The following PCDH9 variants were observed in gnomAD, a reference collection of about 807,000 sequenced individuals.
PCDH9 encodes protocadherin 9, also known as protocadherin-9.
A neutral mutation model predicts 70.6 loss-of-function variants in PCDH9; 24 were observed. That is an observed-to-expected ratio of 0.34 (90% CI 0.25 to 0.48). PCDH9 has a LOEUF of 0.48. Among genes scored for constraint, PCDH9 ranks in the 20% least tolerant of loss-of-function variants. The probability of loss-of-function intolerance (pLI) is 0.99; values close to 1 mark genes in which losing one functional copy is unlikely to be tolerated. For missense variants in PCDH9, 1,281 were observed against 1,503.6 expected, an observed-to-expected ratio of 0.85 and a Z score of 2.45; for synonymous variants, 562 against 558.5, an observed-to-expected ratio of 1.01 and a Z score of -0.09.
intron 3 of PCDH9, among the ~76,000 whole-genome samples, chr13:66,729,499 C>G (rs1033073760): frequency 6.6e-6 from 1 of 151,956 alleles, no homozygotes; most frequent in African/African-American, 2.4e-5. Context: ...ATCTTTATAC[C>G]TTCCTCTTAG....
At chr13:67,158,130 T>G (rs1001380886) in intron 2 of PCDH9, among the ~76,000 whole-genome samples, 4 of 152,194 alleles carry the variant, frequency 2.6e-5, no homozygotes, top group Non-Finnish European at 5.9e-5. Flanking sequence ...ACATAATTAG[T>G]ATCACTAGAC....
At chr13:67,228,818 C>T (rs1298972097) in intron 1 of PCDH9, among the ~76,000 whole-genome samples, 1 of 152,174 alleles carries the variant, frequency 6.6e-6, no homozygotes, top group Non-Finnish European at 1.5e-5. Context: ...TATTCACGCA[C>T]GTTGTTTTTC....
intron 2 of PCDH9, among the ~76,000 whole-genome samples, chr13:67,139,010 A>G (rs2087305300): frequency 6.6e-6 from 1 of 152,226 alleles, no homozygotes; most frequent in Non-Finnish European, 1.5e-5. Context: ...GATCCAGAGC[A>G]GTAAGATAAT....
At chr13:66,686,872 CAT>C (rs896010226) in intron 3 of PCDH9, among the ~76,000 whole-genome samples, 1 of 152,084 alleles carries the variant, frequency 6.6e-6, no homozygotes, top group African/African-American at 2.4e-5. Flanking sequence ...CTCAAAAATA[CAT>C]ATTGTTAAAA....
intron 4 of PCDH9, among the ~76,000 whole-genome samples, chr13:66,383,504 C>A (rs1956880652): frequency 6.6e-6 from 1 of 152,152 alleles, no homozygotes; most frequent in Admixed American, 6.5e-5. Flanking sequence ...TGAATGCTAC[C>A]TAGTTACTCC....
At chr13:66,738,482 G>C (rs2079195191) in intron 3 of PCDH9, among the ~76,000 whole-genome samples, 1 of 146,816 alleles carries the variant, frequency 6.8e-6, no homozygotes, top group African/African-American at 2.5e-5. Context: ...ACGGAACAAA[G>C]CTGGATGGAG....
chr13:67,017,737 TA>T (rs1250669370), intron 2 of PCDH9, among the ~76,000 whole-genome samples: 1 of 152,118 alleles, frequency 6.6e-6, no homozygotes, highest in Non-Finnish European at 1.5e-5. Flanking sequence ...TCCAGGAATT[TA>T]AAAAAATCAT....
Position 66,806,092 on chromosome 13 carries a change from A to G in PCDH9, c.3138+97412T>C, listed in dbSNP as rs141636117. ...ATCACATTTTAGAAACCTTATGTAT[A>G]TATGTGTTTGTGTGAATAGATCTAC... On this transcript the variant is annotated intron_variant, in intron 3 of 4. Coordinates refer to ENST00000377865, the MANE Select transcript of PCDH9 (RefSeq NM_203487.3). Among the ~76,000 whole-genome samples, 256 of 152,258 alleles carry G rather than the reference A, an allele frequency of 1.7e-3. 1 individual carries two copies. The highest frequency in any genetic ancestry group is 5.9e-3 in the African/African-American group (244 of 41,546).
chr13:67,192,511 A>T (rs1439137167), intron 2 of PCDH9, among the ~76,000 whole-genome samples: 4 of 152,186 alleles, frequency 2.6e-5, no homozygotes, highest in African/African-American at 9.6e-5. Context: ...GAGTGCTTTT[A>T]TAAAATCCTT....
chr13:66,744,999 T>C (rs977313808), intron 3 of PCDH9, among the ~76,000 whole-genome samples: 24 of 152,166 alleles, frequency 1.6e-4, no homozygotes. Flanking sequence ...CAGGATCATA[T>C]TGCCTGGATT....
chr13:67,228,552 T>G lies in PCDH9; in HGVS notation c.-112A>C. The G allele has an allele frequency of 1.3e-6, 1 of 793,584 alleles. No individual in the cohort carries two copies. The highest frequency in any genetic ancestry group is 2.8e-5 in the East Asian group (1 of 35,334). The allele number at this position is 793,584 out of a possible 1,614,324, so 49.2% of individuals were successfully genotyped here. ...CATGGACTGGAGGATGCATTATATC[T>G]CATCACTTATTTGGAGACAGCCGCT... On this transcript the variant is annotated 5_prime_UTR_variant, in exon 2 of 5. Transcript: ENST00000377865.
rs1044493601 is a variant in PCDH9, at chr13:66,990,503, A to G, written c.3037-86898T>C. Among the ~76,000 whole-genome samples the G allele has an allele frequency of 3.3e-5, 5 of 150,764 alleles. No homozygotes were observed. The East Asian group carries it at 7.7e-4, about 23-fold the overall frequency. ...TATTCTTTTTTATATGTAAAAGAAT[A>G]TATCATTAGTATATCATATTCTTGT... On this transcript the variant is annotated intron_variant, in intron 2 of 4. Coordinates refer to ENST00000377865, the MANE Select transcript of PCDH9 (RefSeq NM_203487.3).
At chr13:66,352,089 G>A (rs1253302112) in intron 4 of PCDH9, among the ~76,000 whole-genome samples, 1 of 152,120 alleles carries the variant, frequency 6.6e-6, no homozygotes, top group Non-Finnish European at 1.5e-5. Context: ...ACCCGCCTCA[G>A]CCTCCCAAAA....
At chr13:66,632,094 C>A (rs1304491687) in intron 3 of PCDH9, among the ~76,000 whole-genome samples, 2 of 152,192 alleles carry the variant, frequency 1.3e-5, no homozygotes, top group Admixed American at 6.5e-5. Context: ...GGGGTTTCAC[C>A]ATGTTGGCCA....
chr13:67,197,257 T>A (rs2089089775), intron 2 of PCDH9, among the ~76,000 whole-genome samples: 1 of 151,996 alleles, frequency 6.6e-6, no homozygotes, highest in African/African-American at 2.4e-5. Flanking sequence ...ATGTGATCAA[T>A]GCATTCATTC....
chr13:66,638,572 A>G (rs1170640237), intron 3 of PCDH9, among the ~76,000 whole-genome samples: 2 of 152,034 alleles, frequency 1.3e-5, no homozygotes, highest in Admixed American at 6.6e-5. Context: ...TTAATGAGCA[A>G]TTTTTTTTCA....
intron 2 of PCDH9, among the ~76,000 whole-genome samples, chr13:67,015,556 T>C (rs1408170): frequency 0.71 from 108,136 of 151,948 alleles, 39,391 homozygotes; most frequent in East Asian, 0.97. Context: ...CCCTTCTTTG[T>C]TGCTATTTCT....
chr13:66,700,353 G>A (rs950090370), intron 3 of PCDH9, among the ~76,000 whole-genome samples: 2 of 152,070 alleles, frequency 1.3e-5, no homozygotes, highest in African/African-American at 4.8e-5. Flanking sequence ...GTGTCATTCC[G>A]TTCCCTTCTT....
intron 4 of PCDH9, among the ~76,000 whole-genome samples, chr13:66,453,087 TC>T (rs1958245759): frequency 1.3e-5 from 2 of 152,142 alleles, no homozygotes; most frequent in Admixed American, 1.3e-4. Context: ...TAATTTTCTG[TC>T]CTCAGGATGC....
Sources: gnomAD v4.1 joint callset for allele counts (sites outside exome capture counted in the v4.1 genomes callset) on GRCh38, gnomAD v4.1.1 for gene constraint, MANE v1.5 for transcripts, NCBI Gene and HGNC (gene_info 2026-07-23, HGNC 2026-07-21) for gene names.